Variants in KCNIP4 observed in about 807,000 individuals in gnomAD.
The protein encoded by KCNIP4 is potassium voltage-gated channel interacting protein 4, also known as Kv channel-interacting protein 4.
A neutral mutation model predicts 34.0 loss-of-function variants in KCNIP4; 12 were observed. The ratio of observed to expected loss-of-function variants is 0.35; its 90% confidence interval spans 0.23 to 0.57. The LOEUF (loss-of-function observed/expected upper bound fraction) is 0.57. Ranked by LOEUF, KCNIP4 falls within the 20% of genes least tolerant of loss-of-function variation. KCNIP4 has a pLI of 0.83. For missense variants in KCNIP4, 238 were observed against 311.7 expected (o/e 0.76, Z 1.78); for synonymous variants, 124 against 102.2 (o/e 1.21, Z -1.29).
intron 1 of KCNIP4, among the ~76,000 whole-genome samples, chr4:21,583,111 G>A (rs900440651): frequency 1.9e-4 from 29 of 151,798 alleles, no homozygotes; most frequent in Admixed American, 1.2e-3. Flanking sequence ...GAAGAAAACC[G>A]CCCTCAGTAA....
At chr4:21,686,696 A>C (rs1750827449) in intron 1 of KCNIP4, among the ~76,000 whole-genome samples, 1 of 152,196 alleles carries the variant, frequency 6.6e-6, no homozygotes. Context: ...ACCATTTTTT[A>C]TGATTGGAAG....
intron 1 of KCNIP4, among the ~76,000 whole-genome samples, chr4:21,261,238 T>G (rs970988476): frequency 3.3e-5 from 5 of 152,212 alleles, no homozygotes; most frequent in Non-Finnish European, 7.4e-5. Context: ...AATCAATGCT[T>G]GGCTTTAAAT....
At chr4:20,974,689 C>T (rs1735309751) in intron 1 of KCNIP4, among the ~76,000 whole-genome samples, 1 of 152,020 alleles carries the variant, frequency 6.6e-6, no homozygotes, top group South Asian at 2.1e-4. Context: ...CTTTTATGTC[C>T]CTCTAAAATC....
In KCNIP4 at chr4:21,122,996, G is replaced by A. The variant is rs528435625; in HGVS notation, c.62-240287C>T. Reference sequence around the variant, plus strand: ...GAGGCCAAGGCGGGCAGATCACAAGGTCAGGAGATCAAGACCATCCTGGCT... The same window carrying A: ...GAGGCCAAGGCGGGCAGATCACAAGATCAGGAGATCAAGACCATCCTGGCT... On this transcript the variant is annotated intron_variant, in intron 1 of 8. Transcript: ENST00000382152. Among the ~76,000 whole-genome samples the A allele has an allele frequency of 7.2e-5, 11 of 152,218 alleles. No individual in the cohort carries two copies. The East Asian group carries it at 1.6e-3, about 21-fold the overall frequency.
At chr4:21,011,048 T>C (rs1342801921) in intron 1 of KCNIP4, among the ~76,000 whole-genome samples, 1 of 152,190 alleles carries the variant, frequency 6.6e-6, no homozygotes, top group Non-Finnish European at 1.5e-5. Flanking sequence ...AGCAACAATA[T>C]ATGCATAGTA....
At chr4:21,149,448 G>C (rs559188629) in intron 1 of KCNIP4, among the ~76,000 whole-genome samples, 2 of 152,140 alleles carry the variant, frequency 1.3e-5, no homozygotes, top group South Asian at 2.1e-4. Context: ...ACAGAGAAGG[G>C]TCTCAAGTGA....
intron 1 of KCNIP4, among the ~76,000 whole-genome samples, chr4:21,369,727 C>G (rs1560336521): frequency 6.8e-6 from 1 of 146,598 alleles, no homozygotes; most frequent in Non-Finnish European, 1.5e-5. Flanking sequence ...CTCTATTTTA[C>G]AAAAGAGGAA....
At chr4:21,704,489 T>C (rs1262642861) in intron 1 of KCNIP4, among the ~76,000 whole-genome samples, 2 of 152,220 alleles carry the variant, frequency 1.3e-5, no homozygotes, top group East Asian at 1.9e-4. Context: ...CTAGAGTATA[T>C]AAAGACTTTG....
At chr4:20,804,739 GTATT>G (rs956702434) in intron 3 of KCNIP4, among the ~76,000 whole-genome samples, 3 of 152,154 alleles carry the variant, frequency 2.0e-5, no homozygotes, top group African/African-American at 4.8e-5. Flanking sequence ...AAGTAGAAAT[GTATT>G]TATTTACGGA....
intron 1 of KCNIP4, among the ~76,000 whole-genome samples, chr4:21,944,212 G>T (rs1008544301): frequency 6.6e-6 from 1 of 152,024 alleles, no homozygotes; most frequent in South Asian, 2.1e-4. Context: ...CATGTGAAAG[G>T]CTGCACAAAA....
intron 1 of KCNIP4, among the ~76,000 whole-genome samples, chr4:21,203,159 CATAACAG>C (rs1756608836): frequency 6.6e-6 from 1 of 152,184 alleles, no homozygotes; most frequent in African/African-American, 2.4e-5. Context: ...CACCCACTTG[CATAACAG>C]ATTCTGGGAT....
intron 1 of KCNIP4, among the ~76,000 whole-genome samples, chr4:21,301,475 C>G (rs1711695333): frequency 6.6e-6 from 1 of 152,048 alleles, no homozygotes; most frequent in African/African-American, 2.4e-5. Context: ...TCAAGATTTT[C>G]TACTTAATAT....
At chr4:21,633,882 G>A (rs74949249) in intron 1 of KCNIP4, among the ~76,000 whole-genome samples, 10,478 of 152,018 alleles carry the variant, frequency 0.069, 440 homozygotes, top group Non-Finnish European at 0.098. Flanking sequence ...GATTGGCATT[G>A]CTTTACATTT....
At chr4:21,447,237 G>A (rs1728107680) in intron 1 of KCNIP4, among the ~76,000 whole-genome samples, 1 of 152,150 alleles carries the variant, frequency 6.6e-6, no homozygotes, top group Non-Finnish European at 1.5e-5. Context: ...GGAGCAGAAA[G>A]AGACTTGAAG....
chr4:20,975,828 C>T (rs1735434599), intron 1 of KCNIP4, among the ~76,000 whole-genome samples: 1 of 152,108 alleles, frequency 6.6e-6, no homozygotes, highest in African/African-American at 2.4e-5. Context: ...AACATTGTTT[C>T]ACATGTAAAA....
At chr4:21,444,543 G>C (rs907753777) in intron 1 of KCNIP4, among the ~76,000 whole-genome samples, 1 of 152,152 alleles carries the variant, frequency 6.6e-6, no homozygotes, top group African/African-American at 2.4e-5. Context: ...TATCTCAATA[G>C]ATGCAGAAAA....
rs1560803348 is a variant in KCNIP4, at chr4:21,200,350, GTGTGTATATATATATACATACATA to G, written c.62-317665_62-317642del. Among the ~76,000 whole-genome samples the G allele has an allele frequency of 2.9e-4, 19 of 64,700 alleles. 2 individuals are homozygous for G. The highest frequency in any genetic ancestry group is 1.6e-3 in the African/African-American group (14 of 8,930). The allele number at this position is 64,700 out of a possible 152,430, so 42.4% of individuals were successfully genotyped here. On this transcript the variant is annotated intron_variant, in intron 1 of 8. Transcript: ENST00000382152. ...TGTATATATATATACATACATATAT[GTGTGTATATATATATACATACATA>G]TATGTGTGTATATATATATATACAT...
rs746012200 is a variant in KCNIP4, at chr4:20,729,828, T to TATTA, written c.*250_*253dup. ...ACCAATAAAACTATATGCCAGATTC[T>TATTA]ATTACTTTTGAATATTCACAGAGTA... On this transcript the variant is annotated 3_prime_UTR_variant, in exon 9 of 9. Coordinates refer to ENST00000382152, the MANE Select transcript of KCNIP4 (RefSeq NM_025221.6). The TATTA allele has an allele frequency of 2.8e-4, 104 of 366,310 alleles. No individual in the cohort carries two copies. Among genetic ancestry groups the TATTA allele is most frequent in the African/African-American group, 1.2e-3 (57 of 47,936 alleles). The allele number at this position is 366,310 out of a possible 1,614,324, so 22.7% of individuals were successfully genotyped here.
In KCNIP4 at chr4:21,288,502, A is replaced by G. The variant is rs192707517; in HGVS notation, c.62-405793T>C. 1.4e-4 allele frequency among the ~76,000 whole-genome samples: 22 copies of G among 152,366 alleles called. 1 individual carries two copies. Among genetic ancestry groups the G allele is most frequent in the African/African-American group, 4.8e-4 (20 of 41,590 alleles). ...AAAAAGAATAAGAACAAATGCTTAC[A>G]TAGTGTTAACCTTGAGCCAGACACT... On this transcript the variant is annotated intron_variant, in intron 1 of 8. Transcript: ENST00000382152.
Sources: gnomAD v4.1 joint callset for allele counts (sites outside exome capture counted in the v4.1 genomes callset) on GRCh38, gnomAD v4.1.1 for gene constraint, MANE v1.5 for transcripts, NCBI Gene and HGNC (gene_info 2026-07-23, HGNC 2026-07-21) for gene names.